The following SRGAP2C variants were observed in gnomAD, a reference collection of about 807,000 sequenced individuals.
The protein encoded by SRGAP2C is SLIT-ROBO Rho GTPase activating protein 2C, also known as SLIT-ROBO Rho GTPase-activating protein 2C.
A neutral mutation model predicts 25.1 loss-of-function variants in SRGAP2C; 15 were observed. The observed-to-expected ratio is 0.60, with a 90% CI of 0.40 to 0.92. The LOEUF (loss-of-function observed/expected upper bound fraction) is 0.92. SRGAP2C is among the 40% of genes least tolerant of loss of function. The pLI is 0.00. For missense variants in SRGAP2C, 144 were observed against 264.4 expected (o/e 0.54, Z 3.16); for synonymous variants, 44 against 96.6 (o/e 0.46, Z 3.19).
At chr1:121,223,319 T>A (rs587625462) in intron 2 of SRGAP2C, among the ~76,000 whole-genome samples, 75 of 138,994 alleles carry the variant, frequency 5.4e-4, no homozygotes, top group African/African-American at 1.9e-3. Flanking sequence ...ATGACTTTTT[T>A]ATTATTATTA....
At chr1:121,351,534 C>A (rs1299782550) in intron 4 of SRGAP2C, among the ~76,000 whole-genome samples, 76 of 141,464 alleles carry the variant, frequency 5.4e-4, no homozygotes, top group African/African-American at 1.9e-3. Flanking sequence ...GGCGTGAACC[C>A]AGGAGGCGGA....
At chr1:121,246,109 TC>T (rs1656219153) in intron 2 of SRGAP2C, among the ~76,000 whole-genome samples, 1 of 113,998 alleles carries the variant, frequency 8.8e-6, no homozygotes, top group Non-Finnish European at 1.8e-5. Context: ...GCTTTTCTTT[TC>T]TTCCTTTTCT....
At chr1:121,267,409 C>G (rs587701951) in intron 2 of SRGAP2C, among the ~76,000 whole-genome samples, 4 of 150,444 alleles carry the variant, frequency 2.7e-5, no homozygotes, top group African/African-American at 9.8e-5. Context: ...CCAGGCTGGT[C>G]TTGAACTCCT....
chr1:121,226,300 T>G (rs1358066225), intron 2 of SRGAP2C, among the ~76,000 whole-genome samples: 1 of 141,460 alleles, frequency 7.1e-6, no homozygotes, highest in Non-Finnish European at 1.5e-5. Flanking sequence ...AGAGCCTCAT[T>G]TCACCACCTC....
At chr1:121,266,520 G>A (rs1391019677) in intron 2 of SRGAP2C, among the ~76,000 whole-genome samples, 5 of 151,230 alleles carry the variant, frequency 3.3e-5, no homozygotes, top group South Asian at 2.1e-4. Context: ...AAACAATAAG[G>A]TTGTTGATTT....
intron 2 of SRGAP2C, among the ~76,000 whole-genome samples, chr1:121,282,415 G>C (rs1657266735): frequency 6.6e-6 from 1 of 150,870 alleles, no homozygotes; most frequent in African/African-American, 2.4e-5. Context: ...TGGTGAGTGA[G>C]ATTACTGAGG....
At chr1:121,286,571 G>C (rs1207473248) in intron 3 of SRGAP2C, among the ~76,000 whole-genome samples, 4 of 151,922 alleles carry the variant, frequency 2.6e-5, no homozygotes, top group African/African-American at 9.7e-5. Flanking sequence ...CTATGTTTTT[G>C]ATATCAAATT....
chr1:121,317,073 C>G (rs1658115955), intron 3 of SRGAP2C, among the ~76,000 whole-genome samples: 2 of 115,704 alleles, frequency 1.7e-5, no homozygotes, highest in African/African-American at 3.2e-5. Flanking sequence ...AATGTACACA[C>G]AAGCCACAAG....
chr1:121,192,360 G>A (rs1301262425), intron 2 of SRGAP2C, among the ~76,000 whole-genome samples: 2 of 152,176 alleles, frequency 1.3e-5, no homozygotes, highest in African/African-American at 4.8e-5. Flanking sequence ...GAGGGCTCCT[G>A]TCCCTTGCTC....
intron 4 of SRGAP2C, among the ~76,000 whole-genome samples, chr1:121,355,245 A>G (rs1553347310): frequency 1.0e-4 from 15 of 150,374 alleles, no homozygotes; most frequent in Non-Finnish European, 3.0e-5. Context: ...AAATACAACA[A>G]ACTTGACCTA....
intron 2 of SRGAP2C, among the ~76,000 whole-genome samples, chr1:121,203,233 T>G (rs1266939680): frequency 6.6e-6 from 1 of 151,894 alleles, no homozygotes; most frequent in Non-Finnish European, 1.5e-5. Flanking sequence ...AGTACAGTGA[T>G]AGGGTCATAG....
In SRGAP2C at chr1:121,253,944, A is replaced by G. The variant is rs140807577; in HGVS notation, c.68-30859A>G. The stretch of plus-strand genomic sequence containing the variant: ...TTTTTCTCTTTTTTGATGGAGTCTC[A>G]CTCCGTCACCCAGGCTGGAGTGCAG... On this transcript the variant is annotated intron_variant, in intron 2 of 9. Coordinates refer to ENST00000367123, the MANE Select transcript of SRGAP2C (RefSeq NM_001329984.2). 7.9e-5 allele frequency among the ~76,000 whole-genome samples: 12 copies of G among 151,484 alleles called. No individual in the cohort carries two copies. The East Asian group carries it at 1.9e-3, about 23-fold the overall frequency.
At chr1:121,257,330 G>T (rs587757522) in intron 2 of SRGAP2C, among the ~76,000 whole-genome samples, 3 of 150,362 alleles carry the variant, frequency 2.0e-5, no homozygotes, top group South Asian at 4.2e-4. Flanking sequence ...TTGCCAGGAT[G>T]GTCTCGATCT....
chr1:121,339,264 T>C (rs1658592916), intron 4 of SRGAP2C, among the ~76,000 whole-genome samples: 1 of 144,470 alleles, frequency 6.9e-6, no homozygotes, highest in Non-Finnish European at 1.5e-5. Flanking sequence ...TTTTTTTTTT[T>C]TTTTTTTTGG....
intron 2 of SRGAP2C, among the ~76,000 whole-genome samples, chr1:121,239,520 TGTGAACAGGCTTGGCACG>T (rs1656072762): frequency 1.6e-5 from 2 of 127,094 alleles, no homozygotes; most frequent in Admixed American, 8.3e-5. Context: ...GGACCTAAGA[TGTGAACAGGCTTGGCACG>T]GTGCGTAAGC....
intron 7 of SRGAP2C, 72 bp downstream of exon 7, chr1:121,375,026 T>A (rs1427356871): frequency 5.6e-6 from 4 of 718,572 alleles, no homozygotes; most frequent in Non-Finnish European, 1.0e-5. Flanking sequence ...ACATTCCCGA[T>A]ACTATTGTTC....
At chr1:121,228,280 A>T (rs1306944671) in intron 2 of SRGAP2C, among the ~76,000 whole-genome samples, 1 of 149,102 alleles carries the variant, frequency 6.7e-6, no homozygotes, top group African/African-American at 2.5e-5. Context: ...TCTGGAGTTT[A>T]TGAGCCTGGC....
intron 8 of SRGAP2C, among the ~76,000 whole-genome samples, chr1:121,385,554 T>C (rs1659940818): frequency 7.0e-6 from 1 of 143,284 alleles, no homozygotes; most frequent in African/African-American, 2.6e-5. Context: ...CCCCCTCCAT[T>C]TGAAGAAAGG....
intron 3 of SRGAP2C, among the ~76,000 whole-genome samples, chr1:121,308,666 C>G (rs1553339737): frequency 6.6e-6 from 1 of 151,742 alleles, no homozygotes; most frequent in African/African-American, 2.4e-5. Context: ...GGGCCGGGTG[C>G]GGTGGTTCAC....
Sources: gnomAD v4.1 joint callset for allele counts (sites outside exome capture counted in the v4.1 genomes callset) on GRCh38, gnomAD v4.1.1 for gene constraint, MANE v1.5 for transcripts, NCBI Gene and HGNC (gene_info 2026-07-23, HGNC 2026-07-21) for gene names.